The following PHF20 variants were observed in gnomAD, a reference collection of about 807,000 sequenced individuals.
PHF20 encodes the protein glioma-expressed antigen 2.
A neutral mutation model predicts 113.5 loss-of-function variants in PHF20; 23 were observed. That is an observed-to-expected ratio of 0.20 (90% CI 0.15 to 0.29). PHF20 has a LOEUF of 0.29. PHF20 is among the 10% of genes least tolerant of loss of function. The pLI is 1.00. For missense variants in PHF20, 943 were observed against 1,219.6 expected (o/e 0.77, Z 3.38); for synonymous variants, 434 against 457.3 (o/e 0.95, Z 0.65).
At chr20:35,921,498 CAT>C (rs2147097699) in intron 13 of PHF20, among the ~76,000 whole-genome samples, 1 of 151,952 alleles carries the variant, frequency 6.6e-6, no homozygotes, top group Non-Finnish European at 1.5e-5. Flanking sequence ...GCCCTGGAAA[CAT>C]AGCAAGATCC....
At chr20:35,808,727 C>T (rs2041925998) in intron 2 of PHF20, among the ~76,000 whole-genome samples, 1 of 151,814 alleles carries the variant, frequency 6.6e-6, no homozygotes, top group South Asian at 2.1e-4. Context: ...CGCCCGCCAC[C>T]ACGCCTGGCT....
intron 2 of PHF20, among the ~76,000 whole-genome samples, chr20:35,822,048 T>C (rs2042177669): frequency 6.6e-6 from 1 of 152,134 alleles, no homozygotes; most frequent in Non-Finnish European, 1.5e-5. Flanking sequence ...GTGGAGATGT[T>C]GAATGGATAG....
chr20:35,793,112 G>A (rs774032727), intron 1 of PHF20, among the ~76,000 whole-genome samples: 2 of 152,030 alleles, frequency 1.3e-5, no homozygotes, highest in Non-Finnish European at 2.9e-5. Context: ...TGCTTTCTTG[G>A]GACAGCAGCA....
intron 6 of PHF20, among the ~76,000 whole-genome samples, chr20:35,867,301 C>T (rs1288255212): frequency 1.3e-5 from 2 of 152,014 alleles, no homozygotes; most frequent in Admixed American, 1.3e-4. Context: ...ACTCTGTCTC[C>T]CAGGCTGGAG....
intron 14 of PHF20, 94 bp downstream of exon 14, chr20:35,927,973 C>A: frequency 1.1e-6 from 1 of 882,144 alleles, no homozygotes; most frequent in Non-Finnish European, 1.9e-6. Flanking sequence ...GGTCTTGAGA[C>A]TCATTTCTTC....
chr20:35,939,331 G>A (rs2055932774), intron 16 of PHF20, among the ~76,000 whole-genome samples: 1 of 152,160 alleles, frequency 6.6e-6, no homozygotes, highest in African/African-American at 2.4e-5. Flanking sequence ...GCATAGTCAA[G>A]TGTGGCACGT....
intron 1 of PHF20, among the ~76,000 whole-genome samples, chr20:35,797,290 A>C (rs1472455280): frequency 6.6e-6 from 1 of 151,930 alleles, no homozygotes; most frequent in Non-Finnish European, 1.5e-5. Flanking sequence ...AGGTGGGTGC[A>C]TCATTTGAGG....
chr20:35,785,315 T>TTTTA (rs1206207612), intron 1 of PHF20, among the ~76,000 whole-genome samples: 1 of 152,004 alleles, frequency 6.6e-6, no homozygotes, highest in Non-Finnish European at 1.5e-5. Context: ...GAAAATGGAC[T>TTTTA]TTTATTTATT....
chr20:35,852,973 A>C (rs1600828154), intron 4 of PHF20, among the ~76,000 whole-genome samples: 1 of 147,680 alleles, frequency 6.8e-6, no homozygotes, highest in Admixed American at 6.8e-5. Flanking sequence ...CTGTAATCCC[A>C]GCACTTTTGG....
chr20:35,924,397 T>C (rs1278158439), intron 13 of PHF20, among the ~76,000 whole-genome samples: 1 of 151,922 alleles, frequency 6.6e-6, no homozygotes, highest in Non-Finnish European at 1.5e-5. Context: ...TTTCTCCATG[T>C]TGGTCAGGCT....
intron 1 of PHF20, among the ~76,000 whole-genome samples, chr20:35,780,734 G>C (rs2041276931): frequency 6.7e-6 from 1 of 150,190 alleles, no homozygotes; most frequent in Non-Finnish European, 1.5e-5. Flanking sequence ...TTTTAGTAGA[G>C]ACGGGGTTTC....
At chr20:35,780,601 C>T in intron 1 of PHF20, among the ~76,000 whole-genome samples, 1 of 145,764 alleles carries the variant, frequency 6.9e-6, no homozygotes, top group Non-Finnish European at 1.5e-5. Flanking sequence ...GGCTGGAAGG[C>T]AGTGGCATGA....
intron 9 of PHF20, among the ~76,000 whole-genome samples, chr20:35,892,746 C>T (rs1312376561): frequency 6.6e-6 from 1 of 152,148 alleles, no homozygotes; most frequent in Non-Finnish European, 1.5e-5. Flanking sequence ...CAGCTTTTCT[C>T]ACTCTGATGC....
intron 2 of PHF20, among the ~76,000 whole-genome samples, chr20:35,811,133 G>A (rs1321034674): frequency 1.3e-5 from 2 of 151,916 alleles, no homozygotes; most frequent in Non-Finnish European, 1.5e-5. Context: ...TGCAACCTCC[G>A]CCTCCAGGGT....
At chr20:35,811,822 G>A (rs942082418) in intron 2 of PHF20, among the ~76,000 whole-genome samples, 1 of 151,838 alleles carries the variant, frequency 6.6e-6, no homozygotes, top group Middle Eastern at 3.4e-3. Flanking sequence ...CCAGGCTGGA[G>A]TGCAGTGGCT....
intron 6 of PHF20, among the ~76,000 whole-genome samples, chr20:35,865,236 C>T (rs1275761240): frequency 1.3e-5 from 2 of 151,836 alleles, no homozygotes; most frequent in Non-Finnish European, 2.9e-5. Flanking sequence ...AGTGCCTCAT[C>T]CCTGTAATCA....
intron 1 of PHF20, among the ~76,000 whole-genome samples, chr20:35,781,113 G>A (rs1291996923): frequency 6.6e-6 from 1 of 151,234 alleles, no homozygotes; most frequent in Non-Finnish European, 1.5e-5. Context: ...TCGGCCTAAA[G>A]TGCTGGGATT....
intron 10 of PHF20, among the ~76,000 whole-genome samples, chr20:35,900,712 C>T (rs1026940988): frequency 6.6e-6 from 1 of 152,004 alleles, no homozygotes; most frequent in African/African-American, 2.4e-5. Context: ...TGGTGCATGC[C>T]TGTAATCCGA....
intron 17 of PHF20, among the ~76,000 whole-genome samples, chr20:35,941,829 CAT>C (rs1227013936): frequency 6.6e-6 from 1 of 152,178 alleles, no homozygotes; most frequent in African/African-American, 2.4e-5. Flanking sequence ...GGCCGGGACA[CAT>C]GTGGCTGATG....
Sources: allele counts gnomAD v4.1 joint callset (sites outside exome capture counted in the v4.1 genomes callset), GRCh38; gene constraint gnomAD v4.1.1; transcripts MANE v1.5; gene names NCBI Gene and HGNC (gene_info 2026-07-23, HGNC 2026-07-21).